The following SH3KBP1 variants were observed in gnomAD, a reference collection of about 807,000 sequenced individuals.
SH3KBP1 encodes the protein SH3 domain-containing kinase-binding protein 1.
Under a neutral mutation model 50.1 loss-of-function variants are expected in SH3KBP1, and 8 were observed. The ratio of observed to expected loss-of-function variants is 0.16; its 90% CI spans 0.09 to 0.29. The LOEUF (loss-of-function observed/expected upper bound fraction) is 0.29, where lower values mean the gene tolerates loss of function less well. Ranked by LOEUF, SH3KBP1 falls within the 10% of genes least tolerant of loss-of-function variation. The pLI, the probability that SH3KBP1 is intolerant of heterozygous loss-of-function variation, is 1.00. For missense variants in SH3KBP1, 377 were observed against 535.2 expected (o/e 0.70, Z 2.92); for synonymous variants, 227 against 218.6 (o/e 1.04, Z -0.34).
intron 7 of SH3KBP1, among the ~76,000 whole-genome samples, chrX:19,635,309 T>C (rs914810657): frequency 1.8e-5 from 2 of 110,000 alleles, no homozygotes; most frequent in African/African-American, 6.6e-5. Context: ...CTCAGCAGAC[T>C]GACACAGGGA....
At chrX:19,653,418 T>C (rs929386410) in intron 6 of SH3KBP1, among the ~76,000 whole-genome samples, 1 of 111,422 alleles carries the variant, frequency 9.0e-6, no homozygotes, top group East Asian at 2.8e-4. Context: ...ACTCAGAATA[T>C]ATAATGCTTC....
chrX:19,559,104 C>G (rs1270731033), intron 13 of SH3KBP1, among the ~76,000 whole-genome samples: 1 of 104,135 alleles, frequency 9.6e-6, no homozygotes, highest in Non-Finnish European at 2.0e-5. Flanking sequence ...CCCGTCTCTA[C>G]TAAAAATACA....
At chrX:19,742,618 G>A (rs1157758818) in intron 3 of SH3KBP1, among the ~76,000 whole-genome samples, 1 of 111,218 alleles carries the variant, frequency 9.0e-6, no homozygotes, top group African/African-American at 3.3e-5. Flanking sequence ...TGTTGCCCAG[G>A]CTGGAGTGGC....
At chrX:19,788,141 C>T (rs935897393) in intron 2 of SH3KBP1, among the ~76,000 whole-genome samples, 3 of 109,185 alleles carry the variant, frequency 2.7e-5, no homozygotes, top group East Asian at 2.8e-4. Context: ...CTGTGGCTCA[C>T]GCCTGTAATC....
chrX:19,885,206 T>C (rs779635705), intron 1 of SH3KBP1, among the ~76,000 whole-genome samples: 2 of 111,484 alleles, frequency 1.8e-5, no homozygotes, highest in African/African-American at 6.5e-5. Context: ...TCTGTCTGCA[T>C]ACACACAACC....
intron 3 of SH3KBP1, among the ~76,000 whole-genome samples, chrX:19,707,830 G>GAGACAGACAGAC (rs56755263): frequency 2.3e-4 from 25 of 107,392 alleles, no homozygotes; most frequent in African/African-American, 8.4e-4. Context: ...GGGTGAGGGT[G>GAGACAGACAGAC]AGACAGACAG....
chrX:19,669,852 T>C (rs1219960332), intron 6 of SH3KBP1, among the ~76,000 whole-genome samples: 1 of 110,799 alleles, frequency 9.0e-6, no homozygotes, highest in Non-Finnish European at 1.9e-5. Context: ...ACTCTTAAAA[T>C]GATATGTTAA....
intron 1 of SH3KBP1, among the ~76,000 whole-genome samples, chrX:19,864,602 G>C (rs1441017509): frequency 9.0e-6 from 1 of 111,635 alleles, no homozygotes; most frequent in African/African-American, 3.3e-5. Context: ...CTAGAAGATG[G>C]GAAATGGAAG....
intron 16 of SH3KBP1, among the ~76,000 whole-genome samples, chrX:19,539,443 T>C (rs143322819): frequency 2.7e-5 from 3 of 111,759 alleles, no homozygotes; most frequent in African/African-American, 9.8e-5. Flanking sequence ...CATGCACCCA[T>C]ATCTCAGTGG....
At chrX:19,613,011 A>G (rs1300557731) in intron 8 of SH3KBP1, among the ~76,000 whole-genome samples, 2 of 112,111 alleles carry the variant, frequency 1.8e-5, no homozygotes, top group African/African-American at 6.5e-5. Context: ...TCCAACATCT[A>G]CTGAACAGTG....
At chrX:19,668,332 T>C (rs998731380) in intron 6 of SH3KBP1, among the ~76,000 whole-genome samples, 64 of 94,042 alleles carry the variant, frequency 6.8e-4, no homozygotes, top group Middle Eastern at 7.5e-3. Context: ...CATGGTGAAA[T>C]CCCATCCCTA....
intron 3 of SH3KBP1, among the ~76,000 whole-genome samples, chrX:19,737,055 C>T (rs1051699671): frequency 5.5e-5 from 6 of 109,897 alleles, no homozygotes; most frequent in Non-Finnish European, 9.5e-5. Context: ...TACATGCACA[C>T]GCTGCCATGC....
chrX:19,805,112 C>A (rs2067006985), intron 2 of SH3KBP1, among the ~76,000 whole-genome samples: 1 of 110,263 alleles, frequency 9.1e-6, no homozygotes, highest in Non-Finnish European at 1.9e-5. Flanking sequence ...TCAAATCCTG[C>A]TCTCACCCTC....
chrX:19,567,518 C>CAAAAAAAAA (rs869158450), intron 13 of SH3KBP1, among the ~76,000 whole-genome samples: 1 of 7,272 alleles, frequency 1.4e-4, no homozygotes, highest in Non-Finnish European at 2.2e-4. Flanking sequence ...GACTCCATCT[C>CAAAAAAAAA]AAAAAAAAAA....
intron 1 of SH3KBP1, among the ~76,000 whole-genome samples, chrX:19,886,904 C>G (rs1288448031): frequency 9.3e-6 from 1 of 107,481 alleles, no homozygotes; most frequent in Non-Finnish European, 1.9e-5. Flanking sequence ...AAGACACCAG[C>G]AGCCCCGCGC....
chrX:19,694,162 T>C (rs1189737232), intron 5 of SH3KBP1, among the ~76,000 whole-genome samples: 1 of 112,311 alleles, frequency 8.9e-6, no homozygotes, highest in Non-Finnish European at 1.9e-5. Context: ...ATGGAAATAA[T>C]GTTATAATGA....
intron 13 of SH3KBP1, among the ~76,000 whole-genome samples, chrX:19,563,372 TGAGAGGCTGGGAACCAGGG>T (rs1440540511): frequency 8.9e-6 from 1 of 111,985 alleles, no homozygotes; most frequent in Non-Finnish European, 1.9e-5. Flanking sequence ...ACTGTGAGCC[TGAGAGGCTGGGAACCAGGG>T]GAGGGCTCAA....
intron 12 of SH3KBP1, among the ~76,000 whole-genome samples, chrX:19,573,518 C>T (rs949295913): frequency 9.8e-5 from 11 of 111,684 alleles, no homozygotes; most frequent in Middle Eastern, 4.2e-3. Context: ...AATTCCTGAC[C>T]GCAAGTGATC....
intron 1 of SH3KBP1, among the ~76,000 whole-genome samples, chrX:19,841,698 A>AT (rs1012747194): frequency 8.2e-5 from 9 of 109,301 alleles, no homozygotes; most frequent in Admixed American, 3.0e-4. Flanking sequence ...CATCTAGTCT[A>AT]TTTTTTTTTC....
Sources: gnomAD v4.1 joint callset for allele counts (sites outside exome capture counted in the v4.1 genomes callset) on GRCh38, gnomAD v4.1.1 for gene constraint, MANE v1.5 for transcripts, NCBI Gene and HGNC (gene_info 2026-07-23, HGNC 2026-07-21) for gene names.